Variants in DPP10 observed in about 807,000 individuals in gnomAD.
The protein encoded by DPP10 is inactive dipeptidyl peptidase 10.
Under a neutral mutation model 120.9 loss-of-function variants are expected in DPP10, and 33 were observed. The ratio of observed to expected loss-of-function variants is 0.27; its 90% CI spans 0.21 to 0.37. The LOEUF is 0.37. DPP10 is among the 10% of genes least tolerant of loss of function. The pLI is 1.00. For synonymous variants in DPP10, 337 were observed against 326.1 expected, an observed-to-expected ratio of 1.03 and a Z score of -0.36; for missense variants, 816 against 942.8, an observed-to-expected ratio of 0.87 and a Z score of 1.76.
At chr2:114,892,805 T>C (rs1047334319) in intron 1 of DPP10, among the ~76,000 whole-genome samples, 2 of 152,188 alleles carry the variant, frequency 1.3e-5, no homozygotes, top group Non-Finnish European at 2.9e-5. Context: ...ATCTTTTTTA[T>C]GTGGACAAGC....
chr2:114,667,553 G>A (rs948602684), intron 1 of DPP10, among the ~76,000 whole-genome samples: 1 of 152,116 alleles, frequency 6.6e-6, no homozygotes, highest in African/African-American at 2.4e-5. Context: ...CAGTGTTTCT[G>A]TTGAAATTTG....
chr2:114,920,222 A>T (rs1439777184), intron 1 of DPP10, among the ~76,000 whole-genome samples: 5 of 152,156 alleles, frequency 3.3e-5, no homozygotes, highest in Non-Finnish European at 5.9e-5. Flanking sequence ...AATGAAAAAC[A>T]ATAGTTTTTT....
At chr2:115,025,969 G>T (rs1703431377) in intron 1 of DPP10, among the ~76,000 whole-genome samples, 1 of 152,012 alleles carries the variant, frequency 6.6e-6, no homozygotes, top group South Asian at 2.1e-4. Flanking sequence ...TATTCTGTGG[G>T]TTGGTTCTTC....
chr2:114,834,614 T>G (rs1476081842), intron 1 of DPP10, among the ~76,000 whole-genome samples: 1 of 134,256 alleles, frequency 7.4e-6, no homozygotes, highest in Non-Finnish European at 1.7e-5. Flanking sequence ...AAGCCATATC[T>G]AAGCACCTAT....
At chr2:114,912,918 C>G (rs1694481833) in intron 1 of DPP10, among the ~76,000 whole-genome samples, 1 of 152,154 alleles carries the variant, frequency 6.6e-6, no homozygotes, top group Non-Finnish European at 1.5e-5. Context: ...GGATCATAAC[C>G]TTAGGATCCC....
intron 5 of DPP10, among the ~76,000 whole-genome samples, chr2:115,689,289 C>G (rs893427057): frequency 1.3e-5 from 2 of 152,044 alleles, no homozygotes; most frequent in Non-Finnish European, 1.5e-5. Flanking sequence ...GAGAATCCAT[C>G]TAATTTGAAG....
chr2:114,765,174 C>A (rs551009195), intron 1 of DPP10, among the ~76,000 whole-genome samples: 1 of 152,202 alleles, frequency 6.6e-6, no homozygotes, highest in Admixed American at 6.5e-5. Flanking sequence ...TGACCATTAT[C>A]AATTTTTAAA....
At chr2:114,649,339 C>T (rs1236312224) in intron 1 of DPP10, among the ~76,000 whole-genome samples, 2 of 145,594 alleles carry the variant, frequency 1.4e-5, no homozygotes, top group Non-Finnish European at 2.9e-5. Flanking sequence ...TGTAATGGAT[C>T]CTGAGATTTT....
chr2:115,777,997 A>G (rs935954067), intron 15 of DPP10, among the ~76,000 whole-genome samples, 163 bp downstream of exon 15: 1 of 152,068 alleles, frequency 6.6e-6, no homozygotes, highest in Non-Finnish European at 1.5e-5. Context: ...CTCTCCCTTG[A>G]CAGGACTGGA....
chr2:115,833,699 C>A (rs1309096849), intron 21 of DPP10, among the ~76,000 whole-genome samples: 19 of 152,128 alleles, frequency 1.2e-4, no homozygotes, highest in Non-Finnish European at 1.5e-5. Context: ...TAAAAATATT[C>A]TATACAATTA....
chr2:115,444,455 A>G (rs1469850256), intron 3 of DPP10, among the ~76,000 whole-genome samples: 3 of 152,230 alleles, frequency 2.0e-5, no homozygotes, highest in Non-Finnish European at 4.4e-5. Context: ...TTGATGAATT[A>G]TGTTATAATA....
At chr2:114,786,018 C>A (rs1018894930) in intron 1 of DPP10, among the ~76,000 whole-genome samples, 19 of 152,348 alleles carry the variant, frequency 1.2e-4, no homozygotes, top group African/African-American at 4.6e-4. Context: ...TTTCACCTAT[C>A]TCTGGCCTTC....
chr2:115,324,369 A>G (rs180701139), intron 2 of DPP10, among the ~76,000 whole-genome samples: 1 of 152,298 alleles, frequency 6.6e-6, no homozygotes, highest in Non-Finnish European at 1.5e-5. Context: ...ACCTTCATCA[A>G]CGATCCTAGC....
At chr2:114,544,405 C>T (rs62165191) in intron 1 of DPP10, among the ~76,000 whole-genome samples, 5 of 152,090 alleles carry the variant, frequency 3.3e-5, no homozygotes, top group African/African-American at 4.8e-5. Flanking sequence ...ATGTTTCTTG[C>T]CTTCAAAGAG....
At chr2:115,402,250 C>T (rs115854420) in intron 3 of DPP10, among the ~76,000 whole-genome samples, 1,714 of 152,184 alleles carry the variant, frequency 0.011, 27 homozygotes, top group African/African-American at 0.039. Flanking sequence ...GTTTTCCCAC[C>T]ATTCAGGCAC....
At chr2:115,531,595 GT>G (rs2078467644) in intron 5 of DPP10, among the ~76,000 whole-genome samples, 1 of 151,996 alleles carries the variant, frequency 6.6e-6, no homozygotes, top group Non-Finnish European at 1.5e-5. Context: ...TTCATTATAG[GT>G]GGCATAGTGG....
intron 1 of DPP10, among the ~76,000 whole-genome samples, chr2:114,861,995 G>A (rs187818883): frequency 8.3e-4 from 126 of 151,970 alleles, no homozygotes; most frequent in Middle Eastern, 6.8e-3. Context: ...AATTCAAGTG[G>A]TACATATTGC....
At chr2:114,571,230 C>T (rs939652319) in intron 1 of DPP10, among the ~76,000 whole-genome samples, 16 of 152,108 alleles carry the variant, frequency 1.1e-4, no homozygotes. Flanking sequence ...CACCATCCTC[C>T]TAGTGCTGTT....
At chr2:115,743,509 C>A (rs1307899442) in intron 9 of DPP10, among the ~76,000 whole-genome samples, 1 of 152,166 alleles carries the variant, frequency 6.6e-6, no homozygotes, top group Admixed American at 6.6e-5. Flanking sequence ...TAATTTCCCG[C>A]TTGCTTTAAT....
Sources: allele counts gnomAD v4.1 joint callset (sites outside exome capture counted in the v4.1 genomes callset), GRCh38; gene constraint gnomAD v4.1.1; transcripts MANE v1.5; gene names NCBI Gene and HGNC (gene_info 2026-07-23, HGNC 2026-07-21).